The following PDGFRL variants were observed in gnomAD, a reference collection of about 807,000 sequenced individuals.
The protein encoded by PDGFRL is platelet-derived growth factor receptor-like protein.
A neutral mutation model predicts 37.2 loss-of-function variants in PDGFRL; 46 were observed. The ratio of observed to expected loss-of-function variants is 1.24; its 90% confidence interval spans 0.98 to 1.58. The LOEUF is 1.58. Among genes scored for constraint, PDGFRL ranks in the 40% most tolerant of loss-of-function variants. The probability of loss-of-function intolerance (pLI) is 0.00; values close to 1 mark genes in which losing one functional copy is unlikely to be tolerated. For synonymous variants in PDGFRL, 251 were observed against 184.3 expected, an observed-to-expected ratio of 1.36 and a Z score of -2.93; for missense variants, 692 against 467.6, an observed-to-expected ratio of 1.48 and a Z score of -4.43.
At chr8:17,599,967 G>T (rs775697210) in intron 2 of PDGFRL, among the ~76,000 whole-genome samples, 1 of 152,044 alleles carries the variant, frequency 6.6e-6, no homozygotes, top group African/African-American at 2.4e-5. Flanking sequence ...ACATCTCCTT[G>T]AAAAGGATTT....
chr8:17,640,894 G>A (rs1805077503), intron 5 of PDGFRL, among the ~76,000 whole-genome samples: 1 of 152,166 alleles, frequency 6.6e-6, no homozygotes, highest in Admixed American at 6.5e-5. Context: ...ACCATTAGTT[G>A]GGGGTGGGCT....
At chr8:17,638,738 CATATAT>C (rs56085770) in intron 5 of PDGFRL, among the ~76,000 whole-genome samples, 1,334 of 46,890 alleles carry the variant, frequency 0.028, 18 homozygotes, top group Non-Finnish European at 0.041. Context: ...GCATTAGGTG[CATATAT>C]ATATATATAT....
At chr8:17,611,504 C>T (rs1426272598) in intron 2 of PDGFRL, among the ~76,000 whole-genome samples, 2 of 152,104 alleles carry the variant, frequency 1.3e-5, no homozygotes, top group African/African-American at 2.4e-5. Flanking sequence ...GGGAATAGGA[C>T]CCTGACGAGT....
chr8:17,618,289 C>A (rs1804567999), intron 2 of PDGFRL, among the ~76,000 whole-genome samples: 1 of 152,280 alleles, frequency 6.6e-6, no homozygotes, highest in African/African-American at 2.4e-5. Flanking sequence ...CTCCTGAGCT[C>A]AAGCGATCCT....
chr8:17,588,513 A>T (rs1030901589), intron 1 of PDGFRL, among the ~76,000 whole-genome samples: 1 of 29,438 alleles, frequency 3.4e-5, no homozygotes, highest in East Asian at 3.6e-3. Flanking sequence ...CCCATCTTTA[A>T]AAAAAAAAAA....
At chr8:17,605,197 A>G (rs999581716) in intron 2 of PDGFRL, among the ~76,000 whole-genome samples, 7 of 152,078 alleles carry the variant, frequency 4.6e-5, no homozygotes, top group Admixed American at 1.3e-4. Context: ...ATGCTGAGTA[A>G]TATAAACCGC....
At chr8:17,577,699 T>G (rs1288050044) in intron 1 of PDGFRL, among the ~76,000 whole-genome samples, 1 of 151,774 alleles carries the variant, frequency 6.6e-6, no homozygotes, top group East Asian at 2.0e-4. Context: ...GGACCTCTGC[T>G]GCTGAGAGCG....
intron 2 of PDGFRL, among the ~76,000 whole-genome samples, chr8:17,591,188 G>T (rs967365326): frequency 6.6e-6 from 1 of 152,090 alleles, no homozygotes; most frequent in Non-Finnish European, 1.5e-5. Context: ...GGCTGCTTCT[G>T]ATTATTTTGA....
At chr8:17,590,186 G>T (rs1453444280) in intron 2 of PDGFRL, among the ~76,000 whole-genome samples, 2 of 132,560 alleles carry the variant, frequency 1.5e-5, no homozygotes, top group East Asian at 4.8e-4. Flanking sequence ...AGCCGAGATA[G>T]TGCCAGTGCA....
chr8:17,593,346 C>G (rs1803983036), intron 2 of PDGFRL, among the ~76,000 whole-genome samples: 1 of 151,996 alleles, frequency 6.6e-6, no homozygotes, highest in South Asian at 2.1e-4. Flanking sequence ...AATCCCAGCA[C>G]TTTGGGAGGC....
chr8:17,636,129 C>T (rs112390910), intron 5 of PDGFRL, among the ~76,000 whole-genome samples: 2,333 of 152,160 alleles, frequency 0.015, 59 homozygotes, highest in African/African-American at 0.052. Flanking sequence ...TAATTAAGCC[C>T]GATCTATCTT....
intron 2 of PDGFRL, among the ~76,000 whole-genome samples, chr8:17,610,908 CA>C (rs1031743758): frequency 2.0e-5 from 3 of 149,258 alleles, no homozygotes; most frequent in Non-Finnish European, 4.5e-5. Flanking sequence ...GATTCCGTCT[CA>C]AAAAAAATTA....
chr8:17,621,357 A>G (rs748883286), intron 3 of PDGFRL, among the ~76,000 whole-genome samples, 155 bp downstream of exon 3: 5 of 151,614 alleles, frequency 3.3e-5, no homozygotes, highest in Admixed American at 6.6e-5. Context: ...CAGTTATTTC[A>G]TGTAAGTCTT....
intron 5 of PDGFRL, among the ~76,000 whole-genome samples, chr8:17,637,342 T>A (rs545097872): frequency 6.6e-6 from 1 of 152,328 alleles, no homozygotes; most frequent in East Asian, 1.9e-4. Context: ...GAGATGATCA[T>A]GTGATTTTTT....
chr8:17,590,851 A>G (rs1585302264), intron 2 of PDGFRL, among the ~76,000 whole-genome samples: 2 of 151,490 alleles, frequency 1.3e-5, no homozygotes, highest in South Asian at 2.1e-4. Context: ...AACTTCAACT[A>G]CTTTTCAACT....
At chr8:17,595,076 C>A (rs1245704079) in intron 2 of PDGFRL, among the ~76,000 whole-genome samples, 2 of 151,902 alleles carry the variant, frequency 1.3e-5, no homozygotes, top group South Asian at 4.2e-4. Flanking sequence ...CAAGCCGGGT[C>A]AGGAGCAGTG....
At chr8:17,630,229 T>C (rs1804834499) in intron 4 of PDGFRL, among the ~76,000 whole-genome samples, 2 of 152,228 alleles carry the variant, frequency 1.3e-5, no homozygotes, top group Admixed American at 1.3e-4. Flanking sequence ...CTCATTCTCT[T>C]CCAGTTGGCC....
chr8:17,602,022 C>A (rs1347439987), intron 2 of PDGFRL, among the ~76,000 whole-genome samples: 1 of 152,096 alleles, frequency 6.6e-6, no homozygotes, highest in Non-Finnish European at 1.5e-5. Flanking sequence ...GCTCTAAGTT[C>A]TTCAAGAAAT....
At chr8:17,577,690 G>C (rs932604353) in intron 1 of PDGFRL, among the ~76,000 whole-genome samples, 1 of 151,712 alleles carries the variant, frequency 6.6e-6, no homozygotes, top group African/African-American at 2.4e-5. Context: ...GCGTGGCTGG[G>C]ACCTCTGCTG....
Sources: allele counts gnomAD v4.1 joint callset (sites outside exome capture counted in the v4.1 genomes callset), GRCh38; gene constraint gnomAD v4.1.1; transcripts MANE v1.5; gene names NCBI Gene and HGNC (gene_info 2026-07-23, HGNC 2026-07-21).